Variants in CEPT1 observed in about 807,000 individuals in gnomAD.
The protein encoded by CEPT1 is choline/ethanolaminephosphotransferase 1.
A neutral mutation model predicts 42.6 loss-of-function variants in CEPT1; 7 were observed. The ratio of observed to expected loss-of-function variants is 0.16; its 90% CI spans 0.09 to 0.31. The LOEUF is 0.31. CEPT1 is among the 10% of genes least tolerant of loss of function. The pLI is 1.00. For missense variants in CEPT1, 306 were observed against 502.1 expected, an observed-to-expected ratio of 0.61 and a Z score of 3.73; for synonymous variants, 171 against 171.9, an observed-to-expected ratio of 0.99 and a Z score of 0.04.
At chr1:111,165,089 G>T (rs573396674) in intron 4 of CEPT1, among the ~76,000 whole-genome samples, 4 of 109,056 alleles carry the variant, frequency 3.7e-5, no homozygotes, top group African/African-American at 1.1e-4. Flanking sequence ...TCACTGTGTC[G>T]CCCAGGCTAG....
chr1:111,174,597 G>T (rs1385104693), intron 4 of CEPT1, among the ~76,000 whole-genome samples: 2 of 151,042 alleles, frequency 1.3e-5, no homozygotes, highest in Non-Finnish European at 3.0e-5. Flanking sequence ...GGTGGGAAAG[G>T]TTAACCTATG....
chr1:111,145,038 CAG>C (rs1252152588), intron 1 of CEPT1, among the ~76,000 whole-genome samples: 1 of 150,272 alleles, frequency 6.7e-6, no homozygotes, highest in Non-Finnish European at 1.5e-5. Context: ...TTTTTTAAGA[CAG>C]AGTCTCGCTT....
chr1:111,170,217 G>A (rs182633909), intron 4 of CEPT1, among the ~76,000 whole-genome samples: 77 of 152,212 alleles, frequency 5.1e-4, no homozygotes, highest in African/African-American at 1.8e-3. Flanking sequence ...AAGATAGACT[G>A]CCCTTTAAAT....
Position 111,182,895 on chromosome 1 carries a change from C to T in CEPT1, c.943C>T (p.His315Tyr). ...ATCTGCAGTTCAGCTTTTTGAAAAG[C>T]ATCCCTGTCTTTATATACTGACATT... ...KKSAVQLFEK[H>Y]PCLYILTFGF... Residue 315 changes from histidine to tyrosine, a missense_variant, in exon 7 of 9, where the codon CAT (histidine) becomes TAT (tyrosine). Coordinates refer to ENST00000357172, the MANE Select transcript of CEPT1 (RefSeq NM_006090.5). 1.2e-6 allele frequency: 2 copies of T among 1,613,774 alleles called. No individual in the cohort carries two copies. Among genetic ancestry groups the T allele is most frequent in the Non-Finnish European group, 1.7e-6 (2 of 1,179,712 alleles).
chr1:111,158,999 C>T (rs1655729146), intron 2 of CEPT1, among the ~76,000 whole-genome samples: 4 of 145,358 alleles, frequency 2.8e-5, no homozygotes, highest in South Asian at 4.4e-4. Context: ...CTGCAAGCTC[C>T]GCCTCCCGGG....
chr1:111,144,507 T>TAAAAGAGAAATAGAAGGTTAA (rs1654847228), intron 1 of CEPT1, among the ~76,000 whole-genome samples: 1 of 152,138 alleles, frequency 6.6e-6, no homozygotes, highest in Non-Finnish European at 1.5e-5. Flanking sequence ...TAGATGTTTA[T>TAAAAGAGAAATAGAAGGTTAA]AAAAGAGAAA....
Position 111,161,231 on chromosome 1 carries a change from G to A in CEPT1, c.564G>A (p.Ala188=). 1.2e-6 allele frequency: 2 copies of A among 1,613,848 alleles called. No homozygotes were observed. Among genetic ancestry groups the A allele is most frequent in the South Asian group, 1.1e-5 (1 of 91,062 alleles). The change falls in exon 4 of 9, where the codon GCG becomes GCA. Residue 188 remains alanine (A), a synonymous_variant. Transcript: ENST00000357172. ...ATTGGATGTTTTTTTGTTGTTTTGCGGGGACATTTATGTTCTATTGTGCGC... is the reference window on the plus strand; with the variant it reads ...ATTGGATGTTTTTTTGTTGTTTTGCAGGGACATTTATGTTCTATTGTGCGC... The part of the protein sequence containing the change: ...NPDWMFFCCF[A]GTFMFYCAHW...
At position 111,158,902 on chromosome 1, in the gene CEPT1, C is replaced by CTTTTTT. The variant is rs149230078; in HGVS notation, c.340-454_340-449dup. ...CAGGAAATTTAATTCTTTTACAATT[C>CTTTTTT]TTTTTTTTTTTTTTTTTTTTTTTTT... On this transcript the variant is annotated intron_variant, in intron 2 of 8. Transcript: ENST00000357172. 7.0e-3 allele frequency among the ~76,000 whole-genome samples: 388 copies of CTTTTTT among 55,484 alleles called. 57 individuals carry two copies. The highest frequency in any genetic ancestry group is 0.013 in the Middle Eastern group (1 of 76). 36.4% of individuals were successfully genotyped at this position (55,484 alleles called of 152,430 possible).
intron 4 of CEPT1, among the ~76,000 whole-genome samples, chr1:111,171,483 TAA>T (rs944879847): frequency 1.8e-4 from 27 of 152,238 alleles, no homozygotes; most frequent in Admixed American, 6.5e-4. Context: ...ATGATTGGCC[TAA>T]AGTTTATTAC....
chr1:111,171,582 T>C (rs1365451262), intron 4 of CEPT1, among the ~76,000 whole-genome samples: 1 of 152,218 alleles, frequency 6.6e-6, no homozygotes, highest in African/African-American at 2.4e-5. Context: ...ATTTATTTTT[T>C]GTGACAGCCA....
At chr1:111,153,409 C>A (rs1655391484) in intron 2 of CEPT1, among the ~76,000 whole-genome samples, 1 of 152,088 alleles carries the variant, frequency 6.6e-6, no homozygotes, top group African/African-American at 2.4e-5. Flanking sequence ...GGTTGGTCAG[C>A]CTGACCTCAG....
At chr1:111,182,722 T>G in intron 6 of CEPT1, 77 bp from the exon 7 acceptor site, 4 of 1,339,736 alleles carry the variant, frequency 3.0e-6, no homozygotes, top group Non-Finnish European at 4.1e-6. Context: ...AGTTGAACTG[T>G]GAACTGTTCT....
At chr1:111,149,067 T>C (rs1049537517) in intron 2 of CEPT1, among the ~76,000 whole-genome samples, 15 of 152,154 alleles carry the variant, frequency 9.9e-5, no homozygotes, top group African/African-American at 3.6e-4. Context: ...TCTATTCTTT[T>C]CTGTTTTCAT....
At chr1:111,158,566 A>G (rs1408162907) in intron 2 of CEPT1, among the ~76,000 whole-genome samples, 2 of 152,228 alleles carry the variant, frequency 1.3e-5, no homozygotes, top group Non-Finnish European at 2.9e-5. Context: ...GGAAAATGGC[A>G]GGACATTATG....
At position 111,151,341 on chromosome 1, in the gene CEPT1, C is replaced by A. The variant is rs537576603; in HGVS notation, c.339+3288C>A. On this transcript the variant is annotated intron_variant, in intron 2 of 8. Coordinates refer to ENST00000357172, the MANE Select transcript of CEPT1 (RefSeq NM_006090.5). ...GTTTCAACATGTTGGCCAGAATGATCTCAATCTCTTGTTCTTGTAATCCAC... is the reference window on the plus strand; with the variant it reads ...GTTTCAACATGTTGGCCAGAATGATATCAATCTCTTGTTCTTGTAATCCAC... Among the ~76,000 whole-genome samples, 3 of 152,302 alleles carry A rather than the reference C, an allele frequency of 2.0e-5. No individual in the cohort carries two copies. The South Asian group carries it at 6.2e-4, about 32-fold the overall frequency.
At chr1:111,160,260 C>T (rs971866840) in intron 3 of CEPT1, 1 of 152,178 alleles carries the variant, frequency 6.6e-6, no homozygotes, top group Admixed American at 6.5e-5. Flanking sequence ...AGGAAAAAGA[C>T]ACTTAAAATC....
intron 4 of CEPT1, among the ~76,000 whole-genome samples, chr1:111,171,178 T>C (rs1478709755): frequency 6.6e-6 from 1 of 152,172 alleles, no homozygotes; most frequent in Admixed American, 6.5e-5. Flanking sequence ...TTGTCAGGCG[T>C]CTCTCTGAAC....
chr1:111,148,582 A>G (rs964884993), intron 2 of CEPT1, among the ~76,000 whole-genome samples: 1 of 152,186 alleles, frequency 6.6e-6, no homozygotes, highest in African/African-American at 2.4e-5. Flanking sequence ...AAAAGTCAAT[A>G]CAATGTATTT....
At chr1:111,177,530 TTGTC>T (rs1352518297) in intron 5 of CEPT1, among the ~76,000 whole-genome samples, 1 of 152,206 alleles carries the variant, frequency 6.6e-6, no homozygotes, top group African/African-American at 2.4e-5. Flanking sequence ...GTAAATGAAG[TTGTC>T]TGTGCACGTT....
Sources: allele counts gnomAD v4.1 joint callset (sites outside exome capture counted in the v4.1 genomes callset), GRCh38; gene constraint gnomAD v4.1.1; transcripts MANE v1.5; gene names NCBI Gene and HGNC (gene_info 2026-07-23, HGNC 2026-07-21).